HERC5: variants seen among roughly 807,000 people sequenced by gnomAD.
The protein encoded by HERC5 is HECT and RLD domain containing E3 ubiquitin protein ligase 5.
HERC5 carries 99 observed loss-of-function variants against 119.6 expected under a neutral mutation model. That is an observed-to-expected ratio of 0.83 (90% CI 0.70 to 0.98). The LOEUF (loss-of-function observed/expected upper bound fraction) is 0.98. HERC5 is among the 50% of genes least tolerant of loss of function. HERC5 has a pLI of 0.00. For synonymous variants in HERC5, 478 were observed against 445.9 expected (o/e 1.07, Z -0.91); for missense variants, 1,267 against 1,241.3 (o/e 1.02, Z -0.31).
At chr4:88,499,853 A>T (rs892660341) in intron 18 of HERC5, 73 bp from the exon 19 acceptor site, 7 of 1,033,868 alleles carry the variant, frequency 6.8e-6, no homozygotes, top group Admixed American at 1.7e-5. Flanking sequence ...TATACACTTG[A>T]CATTTATTTT....
At chr4:88,504,651 A>G (rs1742054066) in intron 22 of HERC5, 54 bp downstream of exon 22, 2 of 1,135,524 alleles carry the variant, frequency 1.8e-6, no homozygotes, top group Non-Finnish European at 2.4e-6. Flanking sequence ...TTAATGGGAT[A>G]AAAATTTCCT....
chr4:88,478,565 G>C (rs972301061), intron 12 of HERC5, among the ~76,000 whole-genome samples: 25 of 152,072 alleles, frequency 1.6e-4, no homozygotes, highest in African/African-American at 6.0e-4. Flanking sequence ...TCGTATTAGG[G>C]ATTTTATTGT....
intron 13 of HERC5, among the ~76,000 whole-genome samples, chr4:88,481,387 C>T (rs1741272283): frequency 6.6e-6 from 1 of 151,902 alleles, no homozygotes; most frequent in African/African-American, 2.4e-5. Context: ...TACAAGAATT[C>T]TTTCTATTTT....
Position 88,457,319 on chromosome 4 carries a change from C to A in HERC5, c.50C>A (p.Ala17Glu). Residue 17 changes from alanine (A) to glutamate (E), a missense_variant, in exon 1 of 23, where the codon GCG (alanine) becomes GAG (glutamate). This residue lies in a region of HERC5 where 777 missense variants were observed against 758.0 expected (regional missense o/e 1.03). Coordinates refer to ENST00000264350, the MANE Select transcript of HERC5 (RefSeq NM_016323.4). The stretch of plus-strand genomic sequence containing the variant: ...TCGCGGCGCAACGGGCGCTCGACCG[C>A]GGGCAAGGCCGCCGCGACCCAGCCC... ...RKSRRNGRST[A>E]GKAAATQPAK... 2.2e-6 allele frequency: 3 copies of A among 1,383,802 alleles called. No individual in the cohort carries two copies. The highest frequency in any genetic ancestry group is 2.8e-6 in the Non-Finnish European group (3 of 1,072,568). The allele number at this position is 1,383,802 out of a possible 1,614,324, so 85.7% of individuals were successfully genotyped here.
At chr4:88,501,113 G>C in intron 20 of HERC5, 128 bp downstream of exon 20, 2 of 622,098 alleles carry the variant, frequency 3.2e-6, no homozygotes, top group Non-Finnish European at 5.6e-6. Context: ...CAGAGAAGTT[G>C]GTGTGTGTTG....
intron 16 of HERC5, 145 bp from the exon 17 acceptor site, chr4:88,492,867 A>T: frequency 1.6e-6 from 1 of 607,018 alleles, no homozygotes; most frequent in Non-Finnish European, 2.7e-6. Flanking sequence ...ATTAAATATG[A>T]TAATATAAGT....
At chr4:88,501,944 G>A (rs1008166540) in intron 20 of HERC5, among the ~76,000 whole-genome samples, 17 of 151,982 alleles carry the variant, frequency 1.1e-4, no homozygotes, top group African/African-American at 1.4e-4. Flanking sequence ...GACTACAGGC[G>A]CCCGCCACCA....
chr4:88,490,186 T>A (rs1741590443), intron 16 of HERC5, among the ~76,000 whole-genome samples: 1 of 152,194 alleles, frequency 6.6e-6, no homozygotes, highest in Non-Finnish European at 1.5e-5. Context: ...TACTGAATCA[T>A]AATGACCAGT....
chr4:88,504,154 C>G, intron 20 of HERC5, 78 bp from the exon 21 acceptor site: 1 of 886,078 alleles, frequency 1.1e-6, no homozygotes, highest in Non-Finnish European at 1.8e-6. Flanking sequence ...GTTAGGTATT[C>G]TAGCTTTTAT....
chr4:88,492,339 A>G (rs1202747830), intron 16 of HERC5, among the ~76,000 whole-genome samples: 1 of 151,854 alleles, frequency 6.6e-6, no homozygotes, highest in Non-Finnish European at 1.5e-5. Context: ...TTTTTATTAT[A>G]CTTGGATCTG....
chr4:88,493,719 G>GAGA (rs1051857021), intron 17 of HERC5, among the ~76,000 whole-genome samples: 9 of 152,038 alleles, frequency 5.9e-5, no homozygotes, highest in African/African-American at 2.2e-4. Context: ...CCATTCTCTT[G>GAGA]CCTCAGCCTG....
chr4:88,466,168 C>T (rs1254603518), intron 6 of HERC5, among the ~76,000 whole-genome samples: 1 of 151,644 alleles, frequency 6.6e-6, no homozygotes. Context: ...CTTACTGCAG[C>T]CTTGACCTCC....
intron 19 of HERC5, among the ~76,000 whole-genome samples, chr4:88,500,341 T>C (rs1047787042): frequency 1.3e-5 from 2 of 152,238 alleles, no homozygotes; most frequent in Non-Finnish European, 1.5e-5. Flanking sequence ...CCTGTGGTCT[T>C]TCATTCTCCA....
At chr4:88,505,261 T>TG (rs763782648) in intron 22 of HERC5, among the ~76,000 whole-genome samples, 1 of 152,168 alleles carries the variant, frequency 6.6e-6, no homozygotes, top group Non-Finnish European at 1.5e-5. Flanking sequence ...ACCTCCTTGT[T>TG]GCCTTTCTAA....
At chr4:88,462,434 A>G (rs967317809) in intron 4 of HERC5, 78 bp downstream of exon 4, 13 of 1,212,124 alleles carry the variant, frequency 1.1e-5, no homozygotes, top group East Asian at 9.6e-5. Flanking sequence ...CCTGTCAAAA[A>G]TGGTTCAAAT....
At chr4:88,471,571 C>T (rs1171290304) in intron 10 of HERC5, among the ~76,000 whole-genome samples, 1 of 150,820 alleles carries the variant, frequency 6.6e-6, no homozygotes, top group African/African-American at 2.4e-5. Context: ...GAACTCCTGG[C>T]CTCAAGCAGT....
rs774723010 is a variant in HERC5 at position 88,505,790 on chromosome 4, G to T, written c.2987G>T (p.Ser996Ile). Residue 996 changes from serine (S) to isoleucine (I), a missense_variant, in exon 23 of 23, where the codon AGT becomes ATT. Ser to Ile is a moderately radical substitution (Grantham distance 142). Transcript: ENST00000264350. ...CCTATAAGAGCACTGACATGTTTCA[G>T]TGTCCTCTTCCTCCCTAAATATTCT... Reference protein sequence around the residue: ...RDPIRALTCFSVLFLPKYSTM... With the variant: ...RDPIRALTCFIVLFLPKYSTM... 2.5e-6 allele frequency: 4 copies of T among 1,613,258 alleles called. No homozygotes were observed. Among genetic ancestry groups the T allele is most frequent in the Non-Finnish European group, 3.4e-6 (4 of 1,179,326 alleles).
At chr4:88,486,268 T>C (rs748189556) in intron 14 of HERC5, 40 bp downstream of exon 14, 2 of 1,221,212 alleles carry the variant, frequency 1.6e-6, no homozygotes, top group Non-Finnish European at 2.4e-6. Flanking sequence ...TGATAATCAG[T>C]GAGTTAATAC....
At chr4:88,461,270 G>A (rs921221821) in intron 3 of HERC5, among the ~76,000 whole-genome samples, 3 of 152,070 alleles carry the variant, frequency 2.0e-5, no homozygotes, top group African/African-American at 4.8e-5. Context: ...TACTGTGTTC[G>A]GATTATGAAG....
Sources: gnomAD v4.1 joint callset for allele counts (sites outside exome capture counted in the v4.1 genomes callset) on GRCh38, gnomAD v4.1.1 for gene constraint, gnomAD v4.1.1 regional missense constraint, MANE v1.5 for transcripts, NCBI Gene and HGNC (gene_info 2026-07-23, HGNC 2026-07-21) for gene names.